TTLL5: variants seen among roughly 807,000 people sequenced by gnomAD.
TTLL5 encodes tubulin tyrosine ligase like 5, also known as tubulin polyglutamylase TTLL5.
A neutral mutation model predicts 168.4 loss-of-function variants in TTLL5; 132 were observed. The observed-to-expected ratio is 0.78, with a 90% confidence interval of 0.68 to 0.91. The LOEUF is 0.91. TTLL5 is among the 40% of genes least tolerant of loss of function. The pLI, the probability that TTLL5 is intolerant of heterozygous loss-of-function variation, is 0.00. For synonymous variants in TTLL5, 546 were observed against 558.6 expected (o/e 0.98, Z 0.32); for missense variants, 1,545 against 1,581.5 (o/e 0.98, Z 0.39).
chr14:75,933,417 A>T (rs2034339238), intron 31 of TTLL5, among the ~76,000 whole-genome samples: 1 of 152,232 alleles, frequency 6.6e-6, no homozygotes, highest in Non-Finnish European at 1.5e-5. Flanking sequence ...CAGCCGGATC[A>T]TGCTACTGCA....
chr14:75,782,652 A>C, intron 25 of TTLL5, 79 bp downstream of exon 25: 1 of 1,210,188 alleles, frequency 8.3e-7, no homozygotes, highest in South Asian at 1.4e-5. Flanking sequence ...CAGATATTAA[A>C]TATTTCTAAA....
intron 30 of TTLL5, among the ~76,000 whole-genome samples, chr14:75,894,278 G>A (rs2359988): frequency 0.88 from 134,420 of 152,300 alleles, 59,423 homozygotes; most frequent in South Asian, 0.92. Context: ...GAGGCTGGGC[G>A]CAGTGGCTCA....
chr14:75,862,974 A>G (rs1295261143), intron 28 of TTLL5, among the ~76,000 whole-genome samples: 1 of 152,150 alleles, frequency 6.6e-6, no homozygotes, highest in Non-Finnish European at 1.5e-5. Context: ...TGGGCAAGGA[A>G]GATAGTCAAA....
intron 31 of TTLL5, among the ~76,000 whole-genome samples, chr14:75,946,075 G>A (rs1230296058): frequency 6.6e-6 from 1 of 152,178 alleles, no homozygotes; most frequent in Non-Finnish European, 1.5e-5. Context: ...CCTTTGCCAA[G>A]GAGTCTAAAG....
intron 23 of TTLL5, among the ~76,000 whole-genome samples, chr14:75,777,086 G>A (rs1444461042): frequency 6.6e-6 from 1 of 152,124 alleles, no homozygotes; most frequent in African/African-American, 2.4e-5. Flanking sequence ...GTCTCTAAAT[G>A]ATGAAAAAAG....
intron 30 of TTLL5, among the ~76,000 whole-genome samples, chr14:75,899,289 A>C (rs1189639223): frequency 6.6e-6 from 1 of 152,212 alleles, no homozygotes; most frequent in East Asian, 1.9e-4. Context: ...CCTAAAACAC[A>C]TGTATTCCTA....
chr14:75,757,773 T>C, intron 18 of TTLL5: 1 of 1,512,894 alleles, frequency 6.6e-7, no homozygotes, highest in South Asian at 1.3e-5. Context: ...GTGTGTGAAC[T>C]TAAGAGAGAC....
At chr14:75,754,889 G>C (rs1890148569) in intron 18 of TTLL5, among the ~76,000 whole-genome samples, 1 of 152,068 alleles carries the variant, frequency 6.6e-6, no homozygotes, top group African/African-American at 2.4e-5. Flanking sequence ...TTCTATCCAA[G>C]TTTGTATATT....
chr14:75,693,719 G>T (rs1885623821), intron 6 of TTLL5, among the ~76,000 whole-genome samples: 1 of 152,168 alleles, frequency 6.6e-6, no homozygotes, highest in Non-Finnish European at 1.5e-5. Flanking sequence ...AAGAAGATGG[G>T]GTGGTACCAG....
At chr14:75,901,348 G>A (rs1173413205) in intron 30 of TTLL5, among the ~76,000 whole-genome samples, 3 of 152,230 alleles carry the variant, frequency 2.0e-5, no homozygotes, top group South Asian at 4.2e-4. Context: ...AGCTGTAAGC[G>A]CCTTTAACAG....
intron 28 of TTLL5, among the ~76,000 whole-genome samples, chr14:75,833,048 C>G (rs1287000538): frequency 6.6e-6 from 1 of 152,224 alleles, no homozygotes; most frequent in Non-Finnish European, 1.5e-5. Context: ...CCTCCCGCAG[C>G]TCTGCCCATC....
At chr14:75,728,358 G>GAA (rs11326438) in intron 12 of TTLL5, among the ~76,000 whole-genome samples, 3 of 99,668 alleles carry the variant, frequency 3.0e-5, no homozygotes, top group East Asian at 2.5e-4. Flanking sequence ...CTCCATCTCA[G>GAA]AAAAAAAAAA....
intron 4 of TTLL5, 37 bp downstream of exon 4, chr14:75,681,664 T>A: frequency 5.7e-6 from 9 of 1,584,552 alleles, no homozygotes; most frequent in Non-Finnish European, 7.8e-6. Context: ...GATCTGCTCA[T>A]AAGCTGAAAA....
Position 75,882,904 on chromosome 14 carries a change from T to G in TTLL5, c.3740+2T>G, listed in dbSNP as rs1389047587. The G allele has an allele frequency of 6.2e-7, 1 of 1,613,928 alleles. No individual in the cohort carries two copies. Among genetic ancestry groups the G allele is most frequent in the South Asian group, 1.1e-5 (1 of 91,066 alleles). ...GGCAACATCCCAGAAAGCTTCCAAG[T>G]AAGTTTTTTTCTGTTCAATTTCTAC... On this transcript the variant is annotated splice_donor_variant, in intron 30 of 31. Coordinates refer to ENST00000298832, the MANE Select transcript of TTLL5 (RefSeq NM_015072.5). LOFTEE classifies it high-confidence loss of function.
In TTLL5 at chr14:75,924,289, GT is replaced by G. The variant is rs753773184; in HGVS notation, c.3823+22078del. 2.1e-3 allele frequency among the ~76,000 whole-genome samples: 295 copies of G among 143,466 alleles called. 1 individual carries two copies. The highest frequency in any genetic ancestry group is 3.0e-3 in the Admixed American group (44 of 14,428). The allele number at this position is 143,466 out of a possible 152,430, so 94.1% of individuals were successfully genotyped here. A position where few individuals can be genotyped will look rare whatever the true frequency, so the allele number is the denominator to read the frequency against. ...ATGATGTTAGCTGGTTATTTTGCCTGTTTTTTTTTTTTTATTGATCATTCTT... is the reference window on the plus strand; with the variant it reads ...ATGATGTTAGCTGGTTATTTTGCCTGTTTTTTTTTTTTATTGATCATTCTT... On this transcript the variant is annotated intron_variant, in intron 31 of 31. Coordinates refer to ENST00000298832, the MANE Select transcript of TTLL5 (RefSeq NM_015072.5).
intron 18 of TTLL5, among the ~76,000 whole-genome samples, chr14:75,758,125 A>G (rs1890399845): frequency 6.6e-6 from 1 of 152,208 alleles, no homozygotes; most frequent in Non-Finnish European, 1.5e-5. Flanking sequence ...AGAGAGTATT[A>G]ATGAGATTTT....
intron 30 of TTLL5, among the ~76,000 whole-genome samples, chr14:75,884,230 G>A (rs187558745): frequency 1.3e-5 from 2 of 152,204 alleles, no homozygotes; most frequent in Admixed American, 6.5e-5. Context: ...TGGAAAGCCC[G>A]TAGTTAACTA....
intron 26 of TTLL5, 90 bp downstream of exon 26, chr14:75,783,620 T>G: frequency 6.6e-7 from 1 of 1,509,074 alleles, no homozygotes; most frequent in East Asian, 2.3e-5. Flanking sequence ...TTGCCTTTTT[T>G]TAAATTTTGA....
intron 12 of TTLL5, among the ~76,000 whole-genome samples, chr14:75,728,584 T>C (rs1888335935): frequency 6.6e-6 from 1 of 152,094 alleles, no homozygotes; most frequent in Non-Finnish European, 1.5e-5. Flanking sequence ...TGAATACCTG[T>C]GGAATATCCT....
Sources: gnomAD v4.1 joint callset for allele counts (sites outside exome capture counted in the v4.1 genomes callset) on GRCh38, gnomAD v4.1.1 for gene constraint, MANE v1.5 for transcripts, NCBI Gene and HGNC (gene_info 2026-07-23, HGNC 2026-07-21) for gene names.